PIK3AP1: variants seen among roughly 807,000 people sequenced by gnomAD.
PIK3AP1 encodes the protein phosphoinositide-3-kinase adaptor protein 1.
Under a neutral mutation model 88.1 loss-of-function variants are expected in PIK3AP1, and 21 were observed. That is an observed-to-expected ratio of 0.24 (90% CI 0.17 to 0.34). PIK3AP1 has a LOEUF of 0.34. Among genes scored for constraint, PIK3AP1 ranks in the 10% least tolerant of loss-of-function variants. The pLI is 1.00. For missense variants in PIK3AP1, 828 were observed against 1,035.7 expected (o/e 0.80, Z 2.75); for synonymous variants, 398 against 400.0 (o/e 1.00, Z 0.06).
At chr10:96,706,151 C>G (rs1018106417) in intron 2 of PIK3AP1, among the ~76,000 whole-genome samples, 1 of 152,134 alleles carries the variant, frequency 6.6e-6, no homozygotes, top group Non-Finnish European at 1.5e-5. Flanking sequence ...CCTCGGCCTC[C>G]CAAAGGGCTG....
chr10:96,717,257 CAAAAAA>C (rs1325729375), intron 1 of PIK3AP1, among the ~76,000 whole-genome samples: 1 of 93,438 alleles, frequency 1.1e-5, no homozygotes, highest in Admixed American at 1.1e-4. Flanking sequence ...GACTCCGTCT[CAAAAAA>C]AAAAAAAAAA....
chr10:96,615,761 G>A (rs913023351), intron 13 of PIK3AP1, among the ~76,000 whole-genome samples: 1 of 152,186 alleles, frequency 6.6e-6, no homozygotes, highest in Admixed American at 6.5e-5. Context: ...GCATGAGCAA[G>A]GGGTCCACGG....
At chr10:96,709,131 C>CAAAA (rs113424134) in intron 2 of PIK3AP1, among the ~76,000 whole-genome samples, 2 of 79,618 alleles carry the variant, frequency 2.5e-5, no homozygotes, top group Admixed American at 1.5e-4. Context: ...GACTCCGACT[C>CAAAA]AAAAAAAAAA....
intron 16 of PIK3AP1, among the ~76,000 whole-genome samples, chr10:96,602,011 G>A (rs1315998628): frequency 6.6e-6 from 1 of 152,154 alleles, no homozygotes; most frequent in Non-Finnish European, 1.5e-5. Context: ...AGCCTTCTGA[G>A]TGGCTGGGAC....
At chr10:96,638,086 G>A (rs372390222) in intron 8 of PIK3AP1, among the ~76,000 whole-genome samples, 30 of 152,220 alleles carry the variant, frequency 2.0e-4, no homozygotes, top group African/African-American at 7.2e-4. Flanking sequence ...TATTTTGCAT[G>A]TGAGAAGGAC....
In PIK3AP1 at chr10:96,651,760, G is replaced by A. The variant is rs886755161; in HGVS notation, c.713-109C>T. 8 of 1,300,596 alleles carry A rather than the reference G, an allele frequency of 6.2e-6. No individual in the cohort carries two copies. The Admixed American group carries it at 1.4e-4, about 23-fold the overall frequency. 80.6% of individuals were successfully genotyped at this position (1,300,596 alleles called of 1,614,324 possible). ...CTGAGTGGTGAGGACACTAATTGGG[G>A]GCTGGAAGAAAGATCTTGGAGGTGA... On this transcript the variant is annotated intron_variant, in intron 4 of 16. Transcript: ENST00000339364.
At chr10:96,641,486 T>C (rs1461941916) in intron 8 of PIK3AP1, among the ~76,000 whole-genome samples, 1 of 152,164 alleles carries the variant, frequency 6.6e-6, no homozygotes, top group Non-Finnish European at 1.5e-5. Flanking sequence ...TTCCTTAATA[T>C]GGTTATTTTC....
At chr10:96,705,918 G>A (rs1396904322) in intron 2 of PIK3AP1, among the ~76,000 whole-genome samples, 7 of 116,402 alleles carry the variant, frequency 6.0e-5, no homozygotes, top group Non-Finnish European at 1.0e-4. Context: ...TTTTGAGATG[G>A]AGTCTTGATC....
At chr10:96,701,363 G>A (rs996800644) in intron 2 of PIK3AP1, among the ~76,000 whole-genome samples, 6 of 152,118 alleles carry the variant, frequency 3.9e-5, no homozygotes, top group Admixed American at 2.6e-4. Context: ...AGGCCCAAAG[G>A]CCCTGTGTTC....
intron 2 of PIK3AP1, among the ~76,000 whole-genome samples, chr10:96,666,172 C>A (rs960426977): frequency 1.3e-5 from 2 of 152,156 alleles, no homozygotes; most frequent in African/African-American, 2.4e-5. Context: ...GTAATCCCAG[C>A]ACTTTGGGAG....
At chr10:96,662,867 C>T (rs1368897756) in intron 2 of PIK3AP1, among the ~76,000 whole-genome samples, 1 of 106,644 alleles carries the variant, frequency 9.4e-6, no homozygotes, top group Non-Finnish European at 1.7e-5. Context: ...CCCGCCTGGG[C>T]GACAGAGCGA....
chr10:96,716,399 G>C (rs567964571), intron 1 of PIK3AP1, among the ~76,000 whole-genome samples: 1 of 152,212 alleles, frequency 6.6e-6, no homozygotes, highest in African/African-American at 2.4e-5. Context: ...TACTGCCTCA[G>C]ACTAGTTAAC....
In PIK3AP1 at chr10:96,595,616, G is replaced by T. The variant is rs201824606; in HGVS notation, c.2379C>A (p.Thr793=). The T allele has an allele frequency of 1.3e-5, 21 of 1,613,146 alleles. No homozygotes were observed. The highest frequency in any genetic ancestry group is 1.6e-5 in the Non-Finnish European group (19 of 1,179,712). The stretch of plus-strand genomic sequence containing the variant: ...GTGGAACAGGTGGAGGAGGATGGAA[G>T]GTCTCCCTGGTCGGAGGCCTAAAAT... The part of the protein sequence containing the change: ...AASQRPPTRE[T]FHPPPPVPPR... The change falls in exon 17 of 17, where the codon ACC becomes ACA. Residue 793 remains threonine (T), a synonymous_variant. Transcript: ENST00000339364.
At chr10:96,690,093 T>C (rs558468502) in intron 2 of PIK3AP1, among the ~76,000 whole-genome samples, 52 of 152,326 alleles carry the variant, frequency 3.4e-4, no homozygotes, top group African/African-American at 1.2e-3. Flanking sequence ...TAAAAGTCCT[T>C]CACGTGTTTG....
At chr10:96,676,980 G>A (rs1250936290) in intron 2 of PIK3AP1, among the ~76,000 whole-genome samples, 2 of 152,096 alleles carry the variant, frequency 1.3e-5, no homozygotes, top group Non-Finnish European at 2.9e-5. Context: ...GTCATGCTGG[G>A]GTGGAGGGAA....
At chr10:96,690,956 A>C (rs1303665160) in intron 2 of PIK3AP1, among the ~76,000 whole-genome samples, 1 of 152,230 alleles carries the variant, frequency 6.6e-6, no homozygotes, top group African/African-American at 2.4e-5. Flanking sequence ...GAGATGACTC[A>C]TCAGAGAGAA....
chr10:96,671,632 T>A (rs1018651091), intron 2 of PIK3AP1, among the ~76,000 whole-genome samples: 32 of 151,996 alleles, frequency 2.1e-4, no homozygotes, highest in Admixed American at 2.1e-3. Context: ...TTAGTGTGAG[T>A]TAATTAAAGT....
At chr10:96,661,846 G>GGGAAAGGGAAA (rs1312071161) in intron 2 of PIK3AP1, among the ~76,000 whole-genome samples, 2 of 129,808 alleles carry the variant, frequency 1.5e-5, no homozygotes, top group African/African-American at 5.8e-5. Flanking sequence ...AAAGGGAAAA[G>GGGAAAGGGAAA]GGAAAGGGAA....
chr10:96,627,703 G>A (rs757577914), intron 9 of PIK3AP1, among the ~76,000 whole-genome samples: 6 of 152,124 alleles, frequency 3.9e-5, no homozygotes, highest in Admixed American at 1.3e-4. Context: ...AATTACCCAC[G>A]CAATTTAACA....
Sources: gnomAD v4.1 joint callset for allele counts (sites outside exome capture counted in the v4.1 genomes callset) on GRCh38, gnomAD v4.1.1 for gene constraint, MANE v1.5 for transcripts, NCBI Gene and HGNC (gene_info 2026-07-23, HGNC 2026-07-21) for gene names.